Variants in PKHD1 observed in about 807,000 individuals in gnomAD.
PKHD1 encodes PKHD1 ciliary IPT domain containing fibrocystin/polyductin, also known as fibrocystin.
Under a neutral mutation model 412.0 loss-of-function variants are expected in PKHD1, and 291 were observed. The observed-to-expected ratio is 0.71, with a 90% CI of 0.64 to 0.78. The LOEUF is 0.78. Among genes scored for constraint, PKHD1 ranks in the 30% least tolerant of loss-of-function variants. PKHD1 has a pLI of 0.00. For missense variants in PKHD1, 4,825 were observed against 4,950.7 expected, an observed-to-expected ratio of 0.97 and a Z score of 0.76; for synonymous variants, 1,777 against 1,821.5, an observed-to-expected ratio of 0.98 and a Z score of 0.62.
intron 60 of PKHD1, among the ~76,000 whole-genome samples, chr6:51,699,333 A>C (rs73738155): frequency 0.023 from 3,501 of 152,224 alleles, 148 homozygotes; most frequent in African/African-American, 0.079. Flanking sequence ...TTGCAATCAT[A>C]CAGGATGTGT....
intron 60 of PKHD1, among the ~76,000 whole-genome samples, chr6:51,720,112 C>T (rs1341803415): frequency 2.0e-5 from 3 of 152,098 alleles, no homozygotes; most frequent in Non-Finnish European, 2.9e-5. Context: ...ATCCATTATG[C>T]TTTTCTATCT....
chr6:51,777,469 G>A (rs920184017), intron 53 of PKHD1, among the ~76,000 whole-genome samples: 1 of 151,958 alleles, frequency 6.6e-6, no homozygotes, highest in Non-Finnish European at 1.5e-5. Flanking sequence ...CCTCTGTGTA[G>A]GTAATGCCAC....
intron 27 of PKHD1, among the ~76,000 whole-genome samples, chr6:52,042,264 A>G (rs1196454247): frequency 6.6e-6 from 1 of 152,198 alleles, no homozygotes; most frequent in African/African-American, 2.4e-5. Flanking sequence ...CTGCTTTTAA[A>G]TATGTTCTAA....
chr6:51,832,417 G>T (rs955662392), intron 51 of PKHD1, among the ~76,000 whole-genome samples: 2 of 152,070 alleles, frequency 1.3e-5, no homozygotes, highest in Non-Finnish European at 2.9e-5. Flanking sequence ...AAGAAATTTG[G>T]TGTTGCTGAA....
chr6:51,944,081 G>A (rs1334590944), intron 36 of PKHD1, among the ~76,000 whole-genome samples: 1 of 151,926 alleles, frequency 6.6e-6, no homozygotes, highest in Non-Finnish European at 1.5e-5. Flanking sequence ...CAAAAGAAGT[G>A]ATATTTAAAT....
intron 59 of PKHD1, among the ~76,000 whole-genome samples, chr6:51,745,744 C>T (rs1582422868): frequency 6.6e-6 from 1 of 152,252 alleles, no homozygotes; most frequent in East Asian, 1.9e-4. Context: ...CATAAATTAT[C>T]CAGTCTGTGG....
chr6:51,673,327 T>C (rs6909315), intron 60 of PKHD1, among the ~76,000 whole-genome samples: 6,941 of 152,266 alleles, frequency 0.046, 547 homozygotes, highest in African/African-American at 0.16. Flanking sequence ...CACTTCTAGT[T>C]TGACTGTGTC....
chr6:51,773,938 G>C (rs374123427), intron 54 of PKHD1, among the ~76,000 whole-genome samples: 1 of 151,736 alleles, frequency 6.6e-6, no homozygotes, highest in Non-Finnish European at 1.5e-5. Context: ...CCATTTTCAG[G>C]ACGTGTCCTG....
chr6:52,062,445 T>G, intron 14 of PKHD1, 74 bp downstream of exon 14: 1 of 1,457,056 alleles, frequency 6.9e-7, no homozygotes, highest in Non-Finnish European at 9.6e-7. Context: ...GATACCTTCC[T>G]TATCTGTCTC....
chr6:51,878,870 G>A (rs1437323289), intron 46 of PKHD1, among the ~76,000 whole-genome samples: 2 of 57,690 alleles, frequency 3.5e-5, no homozygotes, highest in Non-Finnish European at 5.7e-5. Flanking sequence ...AAACCCCATC[G>A]TCTCAGCCCA....
rs1775372509 is a variant in PKHD1 at position 51,868,061 on chromosome 6, T to C, written c.7535A>G (p.Asn2512Ser). Reference sequence around the variant, plus strand: ...ATGAGGAAATGGAAATGCCACTAAGTTTGAAGAGTTTGTAAACTTCAACTG... The same window carrying C: ...ATGAGGAAATGGAAATGCCACTAAGCTTGAAGAGTTTGTAAACTTCAACTG... ...TSQLKFTNSS[N>S]LVAFPFPHAA... The change falls in exon 48 of 67, where the codon AAC (asparagine) becomes AGC (serine). Residue 2512 changes from asparagine (N) to serine (S), a missense_variant. By Grantham distance (46) the Asn-to-Ser change is conservative. Coordinates refer to ENST00000371117, the MANE Select transcript of PKHD1 (RefSeq NM_138694.4). 1 of 1,611,740 alleles carries C rather than the reference T, an allele frequency of 6.2e-7. No individual in the cohort carries two copies. The highest frequency in any genetic ancestry group is 2.2e-5 in the East Asian group (1 of 44,858).
intron 11 of PKHD1, among the ~76,000 whole-genome samples, chr6:52,068,350 G>A (rs937390939): frequency 1.2e-4 from 18 of 152,172 alleles, no homozygotes; most frequent in Admixed American, 3.3e-4. Flanking sequence ...CACTGCCCTG[G>A]AAATGTAAAA....
intron 48 of PKHD1, among the ~76,000 whole-genome samples, chr6:51,863,898 T>C (rs952183340): frequency 1.3e-5 from 2 of 152,136 alleles, no homozygotes; most frequent in African/African-American, 2.4e-5. Context: ...TGAGTTGCTA[T>C]GTGTTAAACA....
At chr6:51,634,436 T>C (rs1388096760) in intron 64 of PKHD1, among the ~76,000 whole-genome samples, 1 of 152,210 alleles carries the variant, frequency 6.6e-6, no homozygotes, top group East Asian at 1.9e-4. Context: ...GATGGGGGAA[T>C]AGACTTTACT....
At chr6:51,920,337 G>C (rs1039694587) in intron 37 of PKHD1, among the ~76,000 whole-genome samples, 5 of 152,182 alleles carry the variant, frequency 3.3e-5, no homozygotes, top group African/African-American at 1.2e-4. Flanking sequence ...TTAGATGAAG[G>C]GCTGTTGAAT....
intron 55 of PKHD1, among the ~76,000 whole-genome samples, chr6:51,758,791 A>G (rs1787494291): frequency 6.6e-6 from 1 of 152,182 alleles, no homozygotes; most frequent in Admixed American, 6.5e-5. Flanking sequence ...GTTCAGAGAA[A>G]AATAATATTT....
At chr6:51,771,476 G>A (rs1267717591) in intron 55 of PKHD1, among the ~76,000 whole-genome samples, 1 of 151,958 alleles carries the variant, frequency 6.6e-6, no homozygotes, top group Middle Eastern at 3.2e-3. Flanking sequence ...AAAATTAGCT[G>A]GGCATGGTGG....
intron 35 of PKHD1, among the ~76,000 whole-genome samples, chr6:51,994,819 G>A (rs1324835530): frequency 6.6e-6 from 1 of 152,116 alleles, no homozygotes; most frequent in Non-Finnish European, 1.5e-5. Flanking sequence ...CTGGGCACAA[G>A]TGATCCAACT....
In PKHD1 at chr6:51,638,939, T is replaced by C. The variant is rs766184265; in HGVS notation, c.11416A>G (p.Thr3806Ala). 1 of 1,613,260 alleles carries C rather than the reference T, an allele frequency of 6.2e-7. No homozygotes were observed. The highest frequency in any genetic ancestry group is 1.3e-5 in the African/African-American group (1 of 74,876). ...TAGAAGCTAACATAACCATCTTGAG[T>C]TTCTGCCTGGGTGCACCCTACAAAA... Reference protein sequence around the residue: ...SVLKGCTQAETQDGYVSFYNL... With the variant: ...SVLKGCTQAEAQDGYVSFYNL... Residue 3806 changes from threonine to alanine, a missense_variant, in exon 64 of 67, where the codon ACT (threonine) becomes GCT (alanine). By Grantham distance (58) the Thr-to-Ala change is moderately conservative. Coordinates refer to ENST00000371117, the MANE Select transcript of PKHD1 (RefSeq NM_138694.4).
Sources: gnomAD v4.1 joint callset for allele counts (sites outside exome capture counted in the v4.1 genomes callset) on GRCh38, gnomAD v4.1.1 for gene constraint, MANE v1.5 for transcripts, NCBI Gene and HGNC (gene_info 2026-07-23, HGNC 2026-07-21) for gene names.